The following ATF7IP variants were observed in gnomAD, a reference collection of about 807,000 sequenced individuals.
The protein encoded by ATF7IP is activating transcription factor 7 interacting protein.
ATF7IP carries 23 observed loss-of-function variants against 106.4 expected under a neutral mutation model. The observed-to-expected ratio is 0.22, with a 90% confidence interval of 0.16 to 0.31. The LOEUF (loss-of-function observed/expected upper bound fraction) is 0.31. Among genes scored for constraint, ATF7IP ranks in the 10% least tolerant of loss-of-function variants. The pLI is 1.00. For synonymous variants in ATF7IP, 542 were observed against 539.0 expected (o/e 1.01, Z -0.08); for missense variants, 1,334 against 1,524.3 (o/e 0.88, Z 2.08).
intron 1 of ATF7IP, among the ~76,000 whole-genome samples, chr12:14,394,706 T>C (rs1470460765): frequency 6.6e-6 from 1 of 152,224 alleles, no homozygotes; most frequent in Non-Finnish European, 1.5e-5. Context: ...ACAGAGTTGA[T>C]ACATTAGAAT....
intron 10 of ATF7IP, among the ~76,000 whole-genome samples, chr12:14,471,532 G>A (rs948075162): frequency 6.6e-6 from 1 of 152,010 alleles, no homozygotes; most frequent in African/African-American, 2.4e-5. Context: ...CATAGTTACA[G>A]CAGCATTTTT....
intron 6 of ATF7IP, among the ~76,000 whole-genome samples, chr12:14,448,310 A>G (rs775196596): frequency 6.6e-6 from 1 of 152,162 alleles, no homozygotes; most frequent in Non-Finnish European, 1.5e-5. Flanking sequence ...TATCAAAGTG[A>G]AGAAATTGAC....
chr12:14,451,251 C>G (rs1943190384), intron 6 of ATF7IP, among the ~76,000 whole-genome samples: 1 of 151,622 alleles, frequency 6.6e-6, no homozygotes. Flanking sequence ...TCTTCTCTTT[C>G]TTTCATTTCT....
chr12:14,383,062 A>G lies in ATF7IP; in HGVS notation c.-8+17235A>G, dbSNP rs576125815. On this transcript the variant is annotated intron_variant, in intron 1 of 14. Transcript: ENST00000261168. The stretch of plus-strand genomic sequence containing the variant: ...TTCCTTTTCTAAACTGTTTCATCAG[A>G]CACAGAAACAGAACCAATGTGTGAA... 1.6e-3 allele frequency among the ~76,000 whole-genome samples: 251 copies of G among 152,322 alleles called. 1 individual carries two copies. Among genetic ancestry groups the G allele is most frequent in the Non-Finnish European group, 3.1e-3 (209 of 68,026 alleles).
chr12:14,372,694 G>C (rs1483308964), intron 1 of ATF7IP, among the ~76,000 whole-genome samples: 1 of 152,096 alleles, frequency 6.6e-6, no homozygotes, highest in Admixed American at 6.6e-5. Context: ...GTATTTGGGA[G>C]AGAGGACCCC....
intron 1 of ATF7IP, among the ~76,000 whole-genome samples, chr12:14,390,920 T>C (rs778210837): frequency 1.6e-4 from 25 of 152,232 alleles, no homozygotes; most frequent in Non-Finnish European, 2.8e-4. Context: ...TACCACGACA[T>C]TGGTAACTCT....
chr12:14,377,099 A>G (rs1938773866), intron 1 of ATF7IP, among the ~76,000 whole-genome samples: 1 of 151,342 alleles, frequency 6.6e-6, no homozygotes, highest in Non-Finnish European at 1.5e-5. Flanking sequence ...GACTCAGGCA[A>G]TTCTTGTGCT....
At chr12:14,480,951 G>A in intron 12 of ATF7IP, 52 bp from the exon 13 acceptor site, 1 of 1,531,950 alleles carries the variant, frequency 6.5e-7, no homozygotes, top group East Asian at 2.3e-5. Flanking sequence ...AATACTGTTT[G>A]CTTAACGTAG....
At chr12:14,471,710 CCATCAG>C (rs1565541227) in intron 10 of ATF7IP, among the ~76,000 whole-genome samples, 4 of 152,086 alleles carry the variant, frequency 2.6e-5, no homozygotes, top group Admixed American at 1.3e-4. Context: ...CCTTACAAAA[CCATCAG>C]ATCTTGTGAG....
At chr12:14,495,801 G>A (rs563885062) in intron 13 of ATF7IP, among the ~76,000 whole-genome samples, 1 of 152,314 alleles carries the variant, frequency 6.6e-6, no homozygotes, top group South Asian at 2.1e-4. Flanking sequence ...TCTGTCTTTT[G>A]AGTCACACTG....
At chr12:14,426,591 C>G (rs1481636034) in intron 2 of ATF7IP, among the ~76,000 whole-genome samples, 4 of 142,864 alleles carry the variant, frequency 2.8e-5, no homozygotes, top group Non-Finnish European at 6.0e-5. Flanking sequence ...CTTTGGGAGG[C>G]TGAGGCAGGC....
In ATF7IP at chr12:14,498,054, C is replaced by T; in HGVS notation, c.3794C>T (p.Ser1265Phe). The change falls in exon 15 of 15, where the codon TCT (serine) becomes TTT (phenylalanine). Residue 1265 changes from serine to phenylalanine, a missense_variant. Physicochemically the swap from Ser to Phe is radical, Grantham distance 155. Transcript: ENST00000261168. The part of the protein sequence containing the change: ...FCDPQSTDVI[S>F]STQSS ...GATCCTCAGTCAACAGATGTGATCT[C>T]TTCTACCCAGAGCAGTTAAACCTTG... 6.3e-7 allele frequency: 1 copy of T among 1,596,956 alleles called. No homozygotes were observed. The highest frequency in any genetic ancestry group is 8.6e-7 in the Non-Finnish European group (1 of 1,166,592).
rs1191104035 is a variant in ATF7IP at position 14,473,286 on chromosome 12, CTCTCTG to C, written c.2863-2602_2863-2597del. ...TAGCTTTTTAGCGCGCTCTCTCTCT[CTCTCTG>C]TGTGTGTGTGTGTGTGTGTGTGTGT... On this transcript the variant is annotated intron_variant, in intron 10 of 14. Transcript: ENST00000261168. Among the ~76,000 whole-genome samples the C allele has an allele frequency of 3.3e-4, 18 of 53,752 alleles. No individual in the cohort carries two copies. The East Asian group carries it at 8.5e-3, about 25-fold the overall frequency. 35.3% of individuals were successfully genotyped at this position (53,752 alleles called of 152,430 possible).
intron 1 of ATF7IP, among the ~76,000 whole-genome samples, chr12:14,421,331 T>C (rs1421216413): frequency 6.6e-6 from 1 of 152,206 alleles, no homozygotes; most frequent in Non-Finnish European, 1.5e-5. Context: ...AATAGCTTGA[T>C]TTGTTTTGTG....
chr12:14,391,398 C>T (rs1160525666), intron 1 of ATF7IP, among the ~76,000 whole-genome samples: 1 of 152,108 alleles, frequency 6.6e-6, no homozygotes, highest in Admixed American at 6.5e-5. Flanking sequence ...TCGTGTATCC[C>T]TTTGTTGGAT....
chr12:14,475,538 G>A (rs548878083), intron 10 of ATF7IP, among the ~76,000 whole-genome samples: 27 of 152,316 alleles, frequency 1.8e-4, no homozygotes, highest in African/African-American at 6.3e-4. Context: ...CTTTGGTGTT[G>A]TGGTAGATTA....
intron 1 of ATF7IP, among the ~76,000 whole-genome samples, chr12:14,402,983 A>C (rs1027505822): frequency 6.6e-6 from 1 of 152,066 alleles, no homozygotes; most frequent in African/African-American, 2.4e-5. Flanking sequence ...TGGATATAGT[A>C]TGCATACCCT....
intron 1 of ATF7IP, among the ~76,000 whole-genome samples, chr12:14,388,930 G>A (rs894207179): frequency 6.6e-6 from 1 of 152,082 alleles, no homozygotes; most frequent in African/African-American, 2.4e-5. Context: ...ATGAGGCATC[G>A]TGCCCTGTGT....
In ATF7IP at chr12:14,497,769, G is replaced by A. The variant is rs1275775195; in HGVS notation, c.3509G>A (p.Arg1170His). Residue 1170 changes from arginine to histidine, a missense_variant, in exon 15 of 15, where the codon CGC (arginine) becomes CAC (histidine). By Grantham distance (29) the Arg-to-His change is conservative. This residue lies in a region of ATF7IP where 80 missense variants were observed against 157.0 expected (regional missense o/e 0.51). Transcript: ENST00000261168. Reference protein sequence around the residue: ...LPQKPHLKLARVQSQNGIVLS... With the variant: ...LPQKPHLKLAHVQSQNGIVLS... ...CAGAAGCCACACTTGAAGTTAGCAC[G>A]CGTTCAGAGTCAAAATGGCATAGTA... is the stretch of plus-strand genomic sequence containing the variant. The A allele has an allele frequency of 4.3e-6, 7 of 1,614,018 alleles. No homozygotes were observed. The highest frequency in any genetic ancestry group is 1.3e-5 in the African/African-American group (1 of 74,912).
Sources: allele counts gnomAD v4.1 joint callset (sites outside exome capture counted in the v4.1 genomes callset), GRCh38; gene constraint gnomAD v4.1.1; regional missense constraint gnomAD v4.1.1; transcripts MANE v1.5; gene names NCBI Gene and HGNC (gene_info 2026-07-23, HGNC 2026-07-21).